Variants in ESR1 observed in about 807,000 individuals in gnomAD.
ESR1 encodes the protein estrogen receptor 1.
A neutral mutation model predicts 52.7 loss-of-function variants in ESR1; 12 were observed. That is an observed-to-expected ratio of 0.23 (90% confidence interval 0.15 to 0.37). ESR1 has a LOEUF of 0.37. Ranked by LOEUF, ESR1 falls within the 10% of genes least tolerant of loss-of-function variation. The pLI, the probability that ESR1 is intolerant of heterozygous loss-of-function variation, is 1.00. For synonymous variants in ESR1, 305 were observed against 316.8 expected (o/e 0.96, Z 0.39); for missense variants, 584 against 779.7 (o/e 0.75, Z 2.99).
chr6:152,124,184 T>C (rs1005960797), intron 6 of ESR1, among the ~76,000 whole-genome samples: 1 of 152,150 alleles, frequency 6.6e-6, no homozygotes, highest in Non-Finnish European at 1.5e-5. Flanking sequence ...CGTGTGCCTG[T>C]AGTCCCAGTC....
chr6:151,798,398 A>G (rs910789203), intron 2 of ESR1, among the ~76,000 whole-genome samples: 2 of 152,218 alleles, frequency 1.3e-5, no homozygotes, highest in Non-Finnish European at 2.9e-5. Flanking sequence ...AATTTGTGCC[A>G]TTAGCCATTT....
upstream of ESR1, among the ~76,000 whole-genome samples, chr6:151,802,434 C>T (rs775833523): frequency 4.6e-5 from 7 of 152,156 alleles, no homozygotes; most frequent in East Asian, 1.9e-4. Flanking sequence ...TAAGCTATTA[C>T]GGAGATAGTT....
intron 5 of ESR1, among the ~76,000 whole-genome samples, chr6:152,036,127 CAAGGCAGGCA>C (rs56939536): frequency 0.44 from 66,482 of 151,696 alleles, 16,471 homozygotes; most frequent in African/African-American, 0.67. Flanking sequence ...CCCAGGAGGC[CAAGGCAGGCA>C]GATCACGAGG....
At chr6:152,113,456 C>T (rs1293580555) in intron 6 of ESR1, among the ~76,000 whole-genome samples, 1 of 152,072 alleles carries the variant, frequency 6.6e-6, no homozygotes, top group Admixed American at 6.5e-5. Context: ...CTGGCTGAGT[C>T]CTCAGTTACC....
chr6:151,925,124 T>G (rs1056689333), intron 3 of ESR1, among the ~76,000 whole-genome samples: 1 of 150,586 alleles, frequency 6.6e-6, no homozygotes, highest in South Asian at 2.2e-4. Context: ...CAGCATCTGG[T>G]TTTTTTTGTT....
At chr6:151,816,439 G>T (rs1779661875) in intron 1 of ESR1, among the ~76,000 whole-genome samples, 2 of 152,194 alleles carry the variant, frequency 1.3e-5, no homozygotes, top group African/African-American at 2.4e-5. Context: ...GATGATGTGA[G>T]GATTAAACAA....
chr6:151,907,534 G>T (rs1261206379), intron 3 of ESR1, among the ~76,000 whole-genome samples: 2 of 151,946 alleles, frequency 1.3e-5, no homozygotes, highest in East Asian at 1.9e-4. Context: ...ACAAATTTGG[G>T]ATTATACTGC....
intron 2 of ESR1, among the ~76,000 whole-genome samples, chr6:151,711,069 A>G (rs1184948245): frequency 6.6e-6 from 1 of 152,142 alleles, no homozygotes; most frequent in African/African-American, 2.4e-5. Context: ...TATACCCAGT[A>G]ATGGGATTGC....
chr6:151,761,126 T>C (rs2128096336), intron 2 of ESR1, among the ~76,000 whole-genome samples: 1 of 152,182 alleles, frequency 6.6e-6, no homozygotes, highest in East Asian at 1.9e-4. Flanking sequence ...CAATACCATT[T>C]TCCCACTACT....
chr6:152,108,661 C>T (rs2051095809), intron 6 of ESR1, among the ~76,000 whole-genome samples: 1 of 152,164 alleles, frequency 6.6e-6, no homozygotes, highest in Non-Finnish European at 1.5e-5. Flanking sequence ...TGAGAGAATA[C>T]TGAGCAATCT....
chr6:151,837,554 C>A (rs1017979738), intron 1 of ESR1, among the ~76,000 whole-genome samples: 4 of 152,086 alleles, frequency 2.6e-5, no homozygotes, highest in African/African-American at 4.8e-5. Flanking sequence ...TCTGGACATC[C>A]TTTTTTCTGC....
chr6:152,024,813 T>A (rs750349336), intron 5 of ESR1, among the ~76,000 whole-genome samples: 4 of 149,556 alleles, frequency 2.7e-5, no homozygotes, highest in Non-Finnish European at 5.9e-5. Flanking sequence ...TACATATATG[T>A]GTACATATAC....
intron 6 of ESR1, among the ~76,000 whole-genome samples, chr6:152,110,809 G>A (rs531524148): frequency 9.0e-4 from 137 of 152,322 alleles, no homozygotes; most frequent in Non-Finnish European, 1.5e-3. Context: ...ACAGGATGCT[G>A]AAAGCTATGT....
At chr6:151,741,477 T>C (rs574741031) in intron 2 of ESR1, among the ~76,000 whole-genome samples, 24 of 152,324 alleles carry the variant, frequency 1.6e-4, no homozygotes, top group Admixed American at 5.2e-4. Context: ...GCATAGTTCA[T>C]TTACATGATT....
chr6:151,731,821 G>A (rs1034623081), intron 2 of ESR1, among the ~76,000 whole-genome samples: 3 of 152,172 alleles, frequency 2.0e-5, no homozygotes, highest in Admixed American at 2.0e-4. Context: ...ATAAGATCGA[G>A]GTTAAATCTA....
Position 152,088,893 on chromosome 6 carries a change from C to T in ESR1, c.1370-5492C>T, listed in dbSNP as rs946504934. ...AAGAATAAAAAATGAAGTAATTTTG[C>T]AAATGAGTCTGGCTTTATTATAAGT... On this transcript the variant is annotated intron_variant, in intron 6 of 7. Coordinates refer to ENST00000206249, the MANE Select transcript of ESR1 (RefSeq NM_000125.4). 2.6e-5 allele frequency among the ~76,000 whole-genome samples: 4 copies of T among 152,260 alleles called. No homozygotes were observed. In the East Asian group the frequency reaches 7.7e-4, roughly 29 times the overall value.
intron 4 of ESR1, among the ~76,000 whole-genome samples, chr6:152,006,774 G>C (rs2042365457): frequency 6.6e-6 from 1 of 152,058 alleles, no homozygotes; most frequent in African/African-American, 2.4e-5. Context: ...TGACATTTTG[G>C]AGAACATTGG....
intron 1 of ESR1, among the ~76,000 whole-genome samples, chr6:151,685,107 C>CTTTTTTTTTTT (rs772122906): frequency 1.1e-4 from 8 of 72,950 alleles, no homozygotes; most frequent in Admixed American, 1.9e-4. Context: ...ACACTGGCCT[C>CTTTTTTTTTTT]TTTTTTTTTT....
intron 2 of ESR1, among the ~76,000 whole-genome samples, chr6:151,755,209 CAA>C (rs761616025): frequency 1.3e-5 from 1 of 78,204 alleles, no homozygotes. Context: ...GACCCTGCCT[CAA>C]AAAAAAAAAA....
Sources: allele counts gnomAD v4.1 joint callset (sites outside exome capture counted in the v4.1 genomes callset), GRCh38; gene constraint gnomAD v4.1.1; transcripts MANE v1.5; gene names NCBI Gene and HGNC (gene_info 2026-07-23, HGNC 2026-07-21).